FRMPD4: variants seen among roughly 807,000 people sequenced by gnomAD.
FRMPD4 encodes FERM and PDZ domain-containing protein 4.
A neutral mutation model predicts 94.1 loss-of-function variants in FRMPD4; 22 were observed. The ratio of observed to expected loss-of-function variants is 0.23; its 90% CI spans 0.17 to 0.33. FRMPD4 has a LOEUF of 0.33. FRMPD4 is among the 10% of genes least tolerant of loss of function. The pLI is 1.00. For missense variants in FRMPD4, 1,111 were observed against 1,339.9 expected (o/e 0.83, Z 2.67); for synonymous variants, 631 against 548.6 (o/e 1.15, Z -2.10).
chrX:12,368,525 AT>A (rs1264966473), intron 1 of FRMPD4, among the ~76,000 whole-genome samples: 2,529 of 101,997 alleles, frequency 0.025, 63 homozygotes, highest in African/African-American at 0.077. Context: ...GCTCTGTGCT[AT>A]TTTTTTTTTT....
intron 2 of FRMPD4, among the ~76,000 whole-genome samples, chrX:12,521,158 A>G (rs12392216): frequency 0.42 from 46,800 of 111,335 alleles, 8,054 homozygotes; most frequent in African/African-American, 0.66. Context: ...TGTAAAAATC[A>G]TTCTTAGCTC....
chrX:12,677,324 C>T (rs577637500), intron 5 of FRMPD4, among the ~76,000 whole-genome samples: 6 of 111,220 alleles, frequency 5.4e-5, no homozygotes, highest in Non-Finnish European at 7.5e-5. Context: ...TTCTCTCCTC[C>T]GAGGTGTGGA....
At chrX:12,157,873 C>T (rs1332682988) in intron 1 of FRMPD4, among the ~76,000 whole-genome samples, 2 of 112,167 alleles carry the variant, frequency 1.8e-5, no homozygotes, top group Admixed American at 9.4e-5. Flanking sequence ...TTGAACGACA[C>T]AGCCATTGCT....
intron 2 of FRMPD4, among the ~76,000 whole-genome samples, chrX:12,524,257 A>C: frequency 8.9e-6 from 1 of 112,528 alleles, no homozygotes; most frequent in Non-Finnish European, 1.9e-5. Context: ...AGGCTGACTC[A>C]GATGGACTGG....
intron 1 of FRMPD4, among the ~76,000 whole-genome samples, chrX:11,838,925 A>G (rs1403907522): frequency 8.9e-6 from 1 of 111,771 alleles, no homozygotes; most frequent in Admixed American, 9.6e-5. Context: ...ACTATTATAA[A>G]TAATGCTGCC....
At chrX:12,716,001 T>TGGGGGGCCCC in intron 14 of FRMPD4, 68 bp from the exon 15 acceptor site, 1 of 231,655 alleles carries the variant, frequency 4.3e-6, no homozygotes. Context: ...GAGACGAGCC[T>TGGGGGGCCCC]CCCACCCCCG....
chrX:12,426,592 C>T (rs2056947456), intron 1 of FRMPD4, among the ~76,000 whole-genome samples: 1 of 111,486 alleles, frequency 9.0e-6, no homozygotes, highest in Non-Finnish European at 1.9e-5. Flanking sequence ...GCATGCCGCC[C>T]ACCTTTCTCT....
chrX:12,284,909 A>G (rs1197908914), intron 1 of FRMPD4, among the ~76,000 whole-genome samples: 1 of 112,124 alleles, frequency 8.9e-6, no homozygotes, highest in African/African-American at 3.2e-5. Flanking sequence ...AAATGGGGAA[A>G]ATAAGACAAT....
chrX:12,020,428 C>T (rs1284061098), intron 3 of FRMPD4, among the ~76,000 whole-genome samples: 1 of 111,994 alleles, frequency 8.9e-6, no homozygotes, highest in Non-Finnish European at 1.9e-5. Flanking sequence ...GCCTGGTTTT[C>T]TTTCACCTCA....
chrX:11,952,232 G>T (rs1283355257), intron 3 of FRMPD4, among the ~76,000 whole-genome samples: 1 of 111,695 alleles, frequency 9.0e-6, no homozygotes, highest in Non-Finnish European at 1.9e-5. Context: ...GTGGATTAGG[G>T]CCCTGGGAGC....
At chrX:11,944,170 C>T (rs1184995283) in intron 3 of FRMPD4, among the ~76,000 whole-genome samples, 1 of 112,149 alleles carries the variant, frequency 8.9e-6, no homozygotes, top group African/African-American at 3.2e-5. Context: ...TCATTTGTCC[C>T]CACTCCAATT....
intron 5 of FRMPD4, among the ~76,000 whole-genome samples, chrX:12,678,624 G>A (rs1415921233): frequency 7.2e-5 from 8 of 111,675 alleles, no homozygotes; most frequent in Admixed American, 1.9e-4. Flanking sequence ...TCGGGAGTTC[G>A]AGACCAGCCT....
Position 11,943,645 on chromosome X carries a change from T to C in FRMPD4, c.95+65627T>C, listed in dbSNP as rs190714985. Among the ~76,000 whole-genome samples the C allele has an allele frequency of 3.4e-3, 382 of 111,728 alleles. 1 individual carries two copies. Among genetic ancestry groups the C allele is most frequent in the Non-Finnish European group, 5.2e-3 (277 of 53,134 alleles). ...TGAAGGGTCCACCATCAGGACCTAATCATCTCTTATTAGGTCTCACTACCC... is the reference window on the plus strand; with the variant it reads ...TGAAGGGTCCACCATCAGGACCTAACCATCTCTTATTAGGTCTCACTACCC... On this transcript the variant is annotated intron_variant, in intron 3 of 18. Transcript: ENST00000640291.
intron 1 of FRMPD4, among the ~76,000 whole-genome samples, chrX:12,325,785 G>A (rs1199069809): frequency 8.9e-6 from 1 of 111,848 alleles, no homozygotes; most frequent in Non-Finnish European, 1.9e-5. Context: ...ATTTTAACAG[G>A]ATTCCCAGGA....
intron 3 of FRMPD4, among the ~76,000 whole-genome samples, chrX:11,924,956 G>A (rs1331780211): frequency 9.0e-6 from 1 of 111,138 alleles, no homozygotes. Context: ...GACACAGAGT[G>A]GCAAGCTGAA....
rs970673890 is a variant in FRMPD4, at chrX:12,327,710, T to C, written c.42-170970T>C. Among the ~76,000 whole-genome samples the C allele has an allele frequency of 3.6e-5, 4 of 111,218 alleles. No individual in the cohort carries two copies. The East Asian group carries it at 1.1e-3, about 31-fold the overall frequency. On this transcript the variant is annotated intron_variant, in intron 1 of 16. Coordinates refer to ENST00000675598, the MANE Select transcript of FRMPD4 (RefSeq NM_001368397.1). ...AGTCTGGGTCAGCCAGGGAACTGGC[T>C]CTGTAATCTACCTCCTGAGATGAAA...
chrX:11,920,953 G>A (rs1334302565), intron 3 of FRMPD4, among the ~76,000 whole-genome samples: 4 of 111,989 alleles, frequency 3.6e-5, no homozygotes, highest in African/African-American at 1.3e-4. Flanking sequence ...GAAAAGTCAG[G>A]GTAATGCTCG....
intron 3 of FRMPD4, among the ~76,000 whole-genome samples, chrX:11,995,707 T>G (rs1172703836): frequency 8.9e-6 from 1 of 112,011 alleles, no homozygotes; most frequent in Non-Finnish European, 1.9e-5. Context: ...TCCTTCTTGG[T>G]CATTCAAAGG....
chrX:12,535,647 G>C (rs930384591), intron 2 of FRMPD4, among the ~76,000 whole-genome samples: 1 of 112,307 alleles, frequency 8.9e-6, no homozygotes, highest in African/African-American at 3.2e-5. Flanking sequence ...GAAAGCAGGA[G>C]TCAGCAACTA....
Sources: allele counts gnomAD v4.1 joint callset (sites outside exome capture counted in the v4.1 genomes callset), GRCh38; gene constraint gnomAD v4.1.1; transcripts MANE v1.5; gene names NCBI Gene and HGNC (gene_info 2026-07-23, HGNC 2026-07-21).